MATN2: variants seen among roughly 807,000 people sequenced by gnomAD.
MATN2 encodes matrilin-2.
A neutral mutation model predicts 103.2 loss-of-function variants in MATN2; 69 were observed. The ratio of observed to expected loss-of-function variants is 0.67; its 90% CI spans 0.55 to 0.82. The LOEUF is 0.82. Ranked by LOEUF, MATN2 falls within the 40% of genes least tolerant of loss-of-function variation. MATN2 has a pLI of 0.00. For missense variants in MATN2, 1,023 were observed against 1,211.5 expected, an observed-to-expected ratio of 0.84 and a Z score of 2.31; for synonymous variants, 429 against 450.2, an observed-to-expected ratio of 0.95 and a Z score of 0.60.
intron 1 of MATN2, among the ~76,000 whole-genome samples, chr8:97,871,094 C>T (rs112883847): frequency 0.016 from 2,432 of 152,280 alleles, 75 homozygotes; most frequent in African/African-American, 0.054. Flanking sequence ...ATCTGAAACA[C>T]CCTCGAGCAG....
At chr8:97,994,685 C>G in intron 7 of MATN2, 83 bp downstream of exon 7, 1 of 1,422,842 alleles carries the variant, frequency 7.0e-7, no homozygotes, top group Non-Finnish European at 9.5e-7. Flanking sequence ...AAATCTTAAG[C>G]AAGATGTGCT....
At chr8:97,870,289 C>T (rs1469488300) in intron 1 of MATN2, among the ~76,000 whole-genome samples, 4 of 152,094 alleles carry the variant, frequency 2.6e-5, no homozygotes, top group East Asian at 1.9e-4. Flanking sequence ...GAAGCCGGGG[C>T]GGGCGGATCA....
chr8:97,972,827 T>C (rs1483674131), intron 5 of MATN2, among the ~76,000 whole-genome samples: 1 of 152,240 alleles, frequency 6.6e-6, no homozygotes, highest in Non-Finnish European at 1.5e-5. Context: ...AGCTGGAGAA[T>C]TACTCTTTCC....
At chr8:97,960,656 C>T (rs1453185306) in intron 4 of MATN2, among the ~76,000 whole-genome samples, 3 of 152,176 alleles carry the variant, frequency 2.0e-5, no homozygotes, top group African/African-American at 4.8e-5. Context: ...TCTCCATTTT[C>T]CTCGTTTGTT....
intron 6 of MATN2, among the ~76,000 whole-genome samples, chr8:97,981,563 T>C (rs900069916): frequency 6.6e-6 from 1 of 152,218 alleles, no homozygotes; most frequent in Non-Finnish European, 1.5e-5. Flanking sequence ...CCAGGAGTTA[T>C]GTGACCAAGG....
At chr8:97,877,971 A>T (rs1485928932) in intron 1 of MATN2, among the ~76,000 whole-genome samples, 1 of 152,108 alleles carries the variant, frequency 6.6e-6, no homozygotes, top group Non-Finnish European at 1.5e-5. Flanking sequence ...GGATTTCGGG[A>T]TGACTGCTGA....
chr8:98,029,181 T>G (rs1324389719), intron 14 of MATN2, among the ~76,000 whole-genome samples: 1 of 152,194 alleles, frequency 6.6e-6, no homozygotes, highest in East Asian at 1.9e-4. Flanking sequence ...ACTGCGTACC[T>G]TCCTCTTTTT....
chr8:97,903,447 G>T (rs1460527446), intron 2 of MATN2, among the ~76,000 whole-genome samples: 1 of 152,140 alleles, frequency 6.6e-6, no homozygotes, highest in African/African-American at 2.4e-5. Context: ...GGAAGGCAGG[G>T]TTTTTTTGTT....
chr8:98,003,933 C>T (rs1376066754), intron 8 of MATN2, 150 bp downstream of exon 8: 3 of 842,512 alleles, frequency 3.6e-6, no homozygotes, highest in African/African-American at 3.4e-5. Context: ...GTTTCATCAC[C>T]CATAGAATGT....
chr8:97,894,667 G>T (rs1243990669), intron 2 of MATN2, among the ~76,000 whole-genome samples: 1 of 152,094 alleles, frequency 6.6e-6, no homozygotes, highest in Non-Finnish European at 1.5e-5. Flanking sequence ...GGGAATCACA[G>T]TGTATTAAGA....
At chr8:97,911,751 C>G (rs1364589980) in intron 2 of MATN2, among the ~76,000 whole-genome samples, 3 of 152,070 alleles carry the variant, frequency 2.0e-5, no homozygotes, top group Non-Finnish European at 4.4e-5. Flanking sequence ...CCAGTGTCAC[C>G]TAGCTGGTAG....
At chr8:97,894,323 C>CT (rs58988866) in intron 2 of MATN2, among the ~76,000 whole-genome samples, 3,251 of 59,238 alleles carry the variant, frequency 0.055, 203 homozygotes, top group African/African-American at 0.17. Flanking sequence ...AAGAATTCAC[C>CT]TTTTTTTTTT....
At chr8:97,879,037 TTAA>T (rs1818167988) in intron 1 of MATN2, among the ~76,000 whole-genome samples, 1 of 152,290 alleles carries the variant, frequency 6.6e-6, no homozygotes, top group East Asian at 1.9e-4. Context: ...TTTGTTCAAA[TTAA>T]TAATTTTAAA....
At chr8:98,000,278 G>A (rs562456849) in intron 7 of MATN2, among the ~76,000 whole-genome samples, 8 of 151,928 alleles carry the variant, frequency 5.3e-5, no homozygotes, top group South Asian at 4.2e-4. Context: ...TATTAACCTC[G>A]CTAAACCTCA....
At chr8:97,997,629 C>T (rs1293055724) in intron 7 of MATN2, among the ~76,000 whole-genome samples, 1 of 152,100 alleles carries the variant, frequency 6.6e-6, no homozygotes, top group Non-Finnish European at 1.5e-5. Flanking sequence ...CCTGTGGGTG[C>T]CATGTCAGAG....
chr8:97,916,497 C>A (rs1809634275), intron 2 of MATN2, among the ~76,000 whole-genome samples: 1 of 152,136 alleles, frequency 6.6e-6, no homozygotes, highest in Non-Finnish European at 1.5e-5. Context: ...GGTATTAAAT[C>A]TATTACCCAT....
chr8:97,995,804 C>T (rs1419364298), intron 7 of MATN2, among the ~76,000 whole-genome samples: 1 of 152,210 alleles, frequency 6.6e-6, no homozygotes, highest in African/African-American at 2.4e-5. Context: ...TGAAACGGAG[C>T]CTGTCTTATA....
rs565907384 is a variant in MATN2 at position 97,997,281 on chromosome 8, G to A, written c.1204+2679G>A. 2.6e-5 allele frequency among the ~76,000 whole-genome samples: 4 copies of A among 152,292 alleles called. No homozygotes were observed. In the South Asian group the frequency reaches 8.3e-4, roughly 32 times the overall value. On this transcript the variant is annotated intron_variant, in intron 7 of 18. Coordinates refer to ENST00000254898, the MANE Select transcript of MATN2 (RefSeq NM_002380.5). Reference sequence around the variant, plus strand: ...CCAAGAGACGTGACGTCCAGGCTTGGCAATGTCACTCATATTGGTTATGTG... The same window carrying A: ...CCAAGAGACGTGACGTCCAGGCTTGACAATGTCACTCATATTGGTTATGTG...
intron 2 of MATN2, among the ~76,000 whole-genome samples, chr8:97,898,708 C>T (rs1433893035): frequency 1.3e-5 from 2 of 151,964 alleles, no homozygotes; most frequent in East Asian, 3.9e-4. Flanking sequence ...ATGTCTCATA[C>T]AAGGTCATTC....
Sources: allele counts gnomAD v4.1 joint callset (sites outside exome capture counted in the v4.1 genomes callset), GRCh38; gene constraint gnomAD v4.1.1; transcripts MANE v1.5; gene names NCBI Gene and HGNC (gene_info 2026-07-23, HGNC 2026-07-21).